VPS41: variants seen among roughly 807,000 people sequenced by gnomAD.
VPS41 encodes vacuolar protein sorting-associated protein 41 homolog.
VPS41 carries 85 observed loss-of-function variants against 130.9 expected under a neutral mutation model. The ratio of observed to expected loss-of-function variants is 0.65; its 90% CI spans 0.55 to 0.78. VPS41 has a LOEUF of 0.78. VPS41 is among the 30% of genes least tolerant of loss of function. VPS41 has a pLI of 0.00. For missense variants in VPS41, 874 were observed against 1,018.7 expected (o/e 0.86, Z 1.93); for synonymous variants, 335 against 332.9 (o/e 1.01, Z -0.07).
At chr7:38,895,927 G>C (rs748226138) in intron 2 of VPS41, among the ~76,000 whole-genome samples, 2 of 152,016 alleles carry the variant, frequency 1.3e-5, no homozygotes, top group Non-Finnish European at 2.9e-5. Context: ...CCTCGGCTGG[G>C]TCTCAGCTGT....
intron 1 of VPS41, among the ~76,000 whole-genome samples, chr7:38,900,779 C>T (rs1479647743): frequency 6.6e-6 from 1 of 152,198 alleles, no homozygotes; most frequent in African/African-American, 2.4e-5. Context: ...AGCACCACTA[C>T]GAACATCTCA....
rs1447709816 is a variant in VPS41, at chr7:38,765,681, A to C, written c.1248-20T>G. On this transcript the variant is annotated intron_variant, in intron 15 of 28. Transcript: ENST00000310301. The stretch of plus-strand genomic sequence containing the variant: ...CATTTGCTGGCAGTAAAAACATCCC[A>C]GGCAGAAAGAAAGTATATATTAAAA... 2.0e-6 allele frequency: 3 copies of C among 1,528,380 alleles called. No individual in the cohort carries two copies. Among genetic ancestry groups the C allele is most frequent in the Non-Finnish European group, 2.7e-6 (3 of 1,119,744 alleles). The allele number at this position is 1,528,380 out of a possible 1,614,324, so 94.7% of individuals were successfully genotyped here.
chr7:38,843,421 G>A (rs1785654095), intron 4 of VPS41, among the ~76,000 whole-genome samples: 1 of 152,184 alleles, frequency 6.6e-6, no homozygotes, highest in African/African-American at 2.4e-5. Context: ...GGTGGCTCAT[G>A]CCTGTAATCC....
At chr7:38,879,351 T>C (rs565474468) in intron 2 of VPS41, among the ~76,000 whole-genome samples, 1 of 152,160 alleles carries the variant, frequency 6.6e-6, no homozygotes, top group East Asian at 1.9e-4. Context: ...ACTCCTCCAT[T>C]TTCTCCCTTC....
chr7:38,862,566 G>A lies in VPS41; in HGVS notation c.225C>T (p.Asn75=). The part of the protein sequence containing the change: ...GKVYLLDVQG[N]ITQKFDVSPV... Reference sequence around the variant, plus strand: ...TTACTACATCAAACTTCTGAGTGATGTTCCCCTGGACATCAAGTAAATAAA... The same window carrying A: ...TTACTACATCAAACTTCTGAGTGATATTCCCCTGGACATCAAGTAAATAAA... The change falls in exon 4 of 29, where the codon AAC becomes AAT. Residue 75 remains asparagine, a synonymous_variant. Transcript: ENST00000310301. 1.2e-6 allele frequency: 2 copies of A among 1,607,642 alleles called. No individual in the cohort carries two copies. Among genetic ancestry groups the A allele is most frequent in the Non-Finnish European group, 8.5e-7 (1 of 1,176,342 alleles).
intron 4 of VPS41, among the ~76,000 whole-genome samples, chr7:38,861,619 T>A (rs912249337): frequency 9.9e-5 from 15 of 152,236 alleles, no homozygotes; most frequent in African/African-American, 3.1e-4. Context: ...ATACAACGTG[T>A]CAGCTTTAGA....
Position 38,825,069 on chromosome 7 carries a change from G to A in VPS41, c.322-3804C>T, listed in dbSNP as rs1164555276. 2.6e-5 allele frequency among the ~76,000 whole-genome samples: 4 copies of A among 152,162 alleles called. No homozygotes were observed. In the South Asian group the frequency reaches 8.3e-4, roughly 31 times the overall value. ...CAAAAAAGAGAACAAAATCAAACAA[G>A]TTCATAGTAAACAGGCACCGATACA... On this transcript the variant is annotated intron_variant, in intron 5 of 28. Coordinates refer to ENST00000310301, the MANE Select transcript of VPS41 (RefSeq NM_014396.4).
At chr7:38,769,761 G>GTGT (rs781242363) in intron 14 of VPS41, among the ~76,000 whole-genome samples, 4 of 152,158 alleles carry the variant, frequency 2.6e-5, no homozygotes, top group Non-Finnish European at 5.9e-5. Context: ...TATTGATTCT[G>GTGT]TGTAAGTCTC....
At chr7:38,804,374 C>A (rs1351909020) in intron 7 of VPS41, among the ~76,000 whole-genome samples, 1 of 152,170 alleles carries the variant, frequency 6.6e-6, no homozygotes, top group Non-Finnish European at 1.5e-5. Context: ...TGTTGTTCCC[C>A]TCTATGTATC....
chr7:38,780,435 TA>T (rs58060380), intron 10 of VPS41, among the ~76,000 whole-genome samples: 97,240 of 151,714 alleles, frequency 0.64, 32,559 homozygotes, highest in East Asian at 0.88. Flanking sequence ...TTCAGGAGGA[TA>T]AAAGCATTCC....
In VPS41 at chr7:38,741,983, A is replaced by G. The variant is rs1383616337; in HGVS notation, c.2259+2T>C. On this transcript the variant is annotated splice_donor_variant, in intron 25 of 28. Transcript: ENST00000310301. LOFTEE classifies it high-confidence loss of function. ...CTCATTTGTCCAAGAAAGGATACTT[A>G]CTTGCAAATTGTAGTCTTGCAGAAT... is the stretch of plus-strand genomic sequence containing the variant. The G allele has an allele frequency of 1.9e-6, 3 of 1,612,820 alleles. No individual in the cohort carries two copies. In the Admixed American group the frequency reaches 5.0e-5, roughly 27 times the overall value.
At position 38,727,005 on chromosome 7, in the gene VPS41, A is replaced by G; in HGVS notation, c.2405-17T>C. 6.6e-7 allele frequency: 1 copy of G among 1,516,954 alleles called. No individual in the cohort carries two copies. Among genetic ancestry groups the G allele is most frequent in the African/African-American group, 1.4e-5 (1 of 70,410 alleles). 94.0% of individuals were successfully genotyped at this position (1,516,954 alleles called of 1,614,324 possible). On this transcript the variant is annotated splice_polypyrimidine_tract_variant and intron_variant, in intron 27 of 28. Transcript: ENST00000310301. Reference sequence around the variant, plus strand: ...TAGCTGCATCTGGCGAGGAGGGCAGAGAAAGGAGGAGAACTTAATGCAACA... The same window carrying G: ...TAGCTGCATCTGGCGAGGAGGGCAGGGAAAGGAGGAGAACTTAATGCAACA...
chr7:38,869,199 C>T lies in VPS41; in HGVS notation c.115G>A (p.Val39Ile), dbSNP rs769442801. ...KLKYERLSNG[V>I]TEILQKDAAS... is the part of the protein sequence containing the mutation. ...GCATCCTTCTGAAGTATTTCAGTTA[C>T]CCCATTGGAAAGCCTTTCATACTTC... Residue 39 changes from valine (V) to isoleucine (I), a missense_variant, in exon 3 of 29, where the codon GTA becomes ATA. Val to Ile is a conservative substitution (Grantham distance 29). Coordinates refer to ENST00000310301, the MANE Select transcript of VPS41 (RefSeq NM_014396.4). 1.2e-6 allele frequency: 2 copies of T among 1,612,598 alleles called. No homozygotes were observed. The highest frequency in any genetic ancestry group is 1.6e-4 in the Middle Eastern group (1 of 6,076).
intron 7 of VPS41, among the ~76,000 whole-genome samples, chr7:38,808,143 C>A (rs1784875888): frequency 6.6e-6 from 1 of 152,042 alleles, no homozygotes; most frequent in Non-Finnish European, 1.5e-5. Context: ...ACTCTCCCAC[C>A]CTGACCGCTG....
intron 22 of VPS41, among the ~76,000 whole-genome samples, chr7:38,751,512 T>C (rs7795874): frequency 0.66 from 100,287 of 152,068 alleles, 34,027 homozygotes; most frequent in Admixed American, 0.79. Flanking sequence ...CGAACTAGGA[T>C]CTTGCATGTA....
intron 8 of VPS41, 22 bp from the exon 9 acceptor site, chr7:38,795,633 A>G: frequency 6.2e-7 from 1 of 1,604,654 alleles, no homozygotes; most frequent in Non-Finnish European, 8.5e-7. Context: ...TACAGCAGTA[A>G]GCATCCTCTA....
chr7:38,759,372 AG>A (rs1341623384), intron 17 of VPS41, among the ~76,000 whole-genome samples: 1 of 152,230 alleles, frequency 6.6e-6, no homozygotes, highest in Non-Finnish European at 1.5e-5. Flanking sequence ...GTATAGCATG[AG>A]AAACTGAGTT....
In VPS41 at chr7:38,834,915, G is replaced by C. The variant is rs528284930; in HGVS notation, c.247-4587C>G. Among the ~76,000 whole-genome samples, 8 of 150,566 alleles carry C rather than the reference G, an allele frequency of 5.3e-5. 1 individual carries two copies. Among genetic ancestry groups the C allele is most frequent in the African/African-American group, 1.9e-4 (8 of 41,080 alleles). ...GAAAATATCTTTTATTTTACTTTTT[G>C]TTCGTTCACTGTTTTAATAATACTG... On this transcript the variant is annotated intron_variant, in intron 4 of 28. Coordinates refer to ENST00000310301, the MANE Select transcript of VPS41 (RefSeq NM_014396.4).
chr7:38,848,092 C>T (rs1785766229), intron 4 of VPS41, among the ~76,000 whole-genome samples: 1 of 152,194 alleles, frequency 6.6e-6, no homozygotes, highest in Non-Finnish European at 1.5e-5. Flanking sequence ...AAAAACACTG[C>T]TTTATCAATC....
Sources: allele counts gnomAD v4.1 joint callset (sites outside exome capture counted in the v4.1 genomes callset), GRCh38; gene constraint gnomAD v4.1.1; transcripts MANE v1.5; gene names NCBI Gene and HGNC (gene_info 2026-07-23, HGNC 2026-07-21).